UNC13C: variants seen among roughly 807,000 people sequenced by gnomAD.
UNC13C encodes the protein unc-13 homolog C.
Under a neutral mutation model 245.4 loss-of-function variants are expected in UNC13C, and 174 were observed. The ratio of observed to expected loss-of-function variants is 0.71; its 90% CI spans 0.63 to 0.80. The LOEUF (loss-of-function observed/expected upper bound fraction) is 0.80. Among genes scored for constraint, UNC13C ranks in the 30% least tolerant of loss-of-function variants. The probability of loss-of-function intolerance (pLI) is 0.00; values close to 1 mark genes in which losing one functional copy is unlikely to be tolerated. For missense variants in UNC13C, 2,829 were observed against 2,602.9 expected (o/e 1.09, Z -1.89); for synonymous variants, 992 against 895.1 (o/e 1.11, Z -1.93).
chr15:54,504,990 T>A (rs1894405553), intron 22 of UNC13C, among the ~76,000 whole-genome samples: 1 of 152,156 alleles, frequency 6.6e-6, no homozygotes, highest in Non-Finnish European at 1.5e-5. Flanking sequence ...AGTCACCCTG[T>A]CTAATCCTTT....
At chr15:54,167,028 C>T (rs1484739924) in intron 4 of UNC13C, among the ~76,000 whole-genome samples, 1 of 152,054 alleles carries the variant, frequency 6.6e-6, no homozygotes, top group Non-Finnish European at 1.5e-5. Flanking sequence ...TCAAAGTAAT[C>T]TTTAGAAAGA....
At chr15:54,532,872 C>A in intron 25 of UNC13C, 45 bp from the exon 26 acceptor site, 1 of 1,326,054 alleles carries the variant, frequency 7.5e-7, no homozygotes, top group Non-Finnish European at 1.0e-6. Context: ...CAGGCTCAGG[C>A]AAAATGTATT....
At chr15:54,504,279 A>G (rs1894366132) in intron 22 of UNC13C, among the ~76,000 whole-genome samples, 1 of 152,132 alleles carries the variant, frequency 6.6e-6, no homozygotes, top group African/African-American at 2.4e-5. Context: ...ACACATATTT[A>G]TTTCTATTCC....
intron 18 of UNC13C, among the ~76,000 whole-genome samples, chr15:54,410,352 C>A (rs2040391829): frequency 6.6e-6 from 1 of 152,106 alleles, no homozygotes; most frequent in East Asian, 1.9e-4. Context: ...GTTTCTTTTG[C>A]TGTGCAGAAG....
At chr15:54,605,218 C>T (rs1395725168) in intron 30 of UNC13C, among the ~76,000 whole-genome samples, 1 of 152,160 alleles carries the variant, frequency 6.6e-6, no homozygotes, top group Non-Finnish European at 1.5e-5. Context: ...GTCTGAATGG[C>T]CCGTTAATCA....
chr15:54,296,430 G>A, intron 11 of UNC13C, among the ~76,000 whole-genome samples: 1 of 147,518 alleles, frequency 6.8e-6, no homozygotes, highest in East Asian at 2.0e-4. Context: ...GTGTTAGCCA[G>A]AATGGTCTCG....
chr15:54,372,495 A>G (rs1234315517), intron 17 of UNC13C, among the ~76,000 whole-genome samples: 2 of 152,144 alleles, frequency 1.3e-5, no homozygotes, highest in Non-Finnish European at 2.9e-5. Context: ...AGTCTCCAAA[A>G]ATAACCACAC....
intron 2 of UNC13C, among the ~76,000 whole-genome samples, chr15:54,141,522 A>T (rs139750296): frequency 6.6e-6 from 1 of 152,130 alleles, no homozygotes; most frequent in Non-Finnish European, 1.5e-5. Flanking sequence ...TTACAATCCC[A>T]TTTTAAGGAG....
intron 1 of UNC13C, among the ~76,000 whole-genome samples, chr15:54,010,876 T>C (rs981713424): frequency 6.6e-6 from 1 of 152,118 alleles, no homozygotes; most frequent in African/African-American, 2.4e-5. Context: ...TGGATGATTA[T>C]GATGACATTA....
chr15:53,862,226 C>T, the UNC13C span, among the ~76,000 whole-genome samples: 2 of 151,988 alleles, frequency 1.3e-5, no homozygotes, highest in Non-Finnish European at 2.9e-5. Flanking sequence ...TTCTCGTGGT[C>T]CAATAACCAG....
chr15:54,207,049 A>G (rs189446163), intron 4 of UNC13C, among the ~76,000 whole-genome samples: 1 of 152,064 alleles, frequency 6.6e-6, no homozygotes, highest in Admixed American at 6.6e-5. Flanking sequence ...ACAGTAGCAG[A>G]GAGGAAGCAT....
chr15:53,953,966 C>A, the UNC13C span, among the ~76,000 whole-genome samples: 1 of 152,284 alleles, frequency 6.6e-6, no homozygotes, highest in East Asian at 1.9e-4. Context: ...CAGAGTACAG[C>A]CAGGTTGGGG....
chr15:54,044,272 C>T (rs1198535069), intron 2 of UNC13C, among the ~76,000 whole-genome samples: 2 of 152,124 alleles, frequency 1.3e-5, no homozygotes, highest in Non-Finnish European at 2.9e-5. Context: ...CTTTTTGTGC[C>T]TGAGCAGTAT....
At chr15:54,178,162 A>G (rs1385141527) in intron 4 of UNC13C, among the ~76,000 whole-genome samples, 1 of 152,146 alleles carries the variant, frequency 6.6e-6, no homozygotes, top group Non-Finnish European at 1.5e-5. Flanking sequence ...TTTTCAATCT[A>G]TACAATCCTG....
chr15:54,217,323 C>T (rs2035071822), intron 4 of UNC13C, among the ~76,000 whole-genome samples: 1 of 151,878 alleles, frequency 6.6e-6, no homozygotes, highest in African/African-American at 2.4e-5. Context: ...GTGGCATCAT[C>T]AGAGCTAAGG....
intron 19 of UNC13C, among the ~76,000 whole-genome samples, chr15:54,478,924 CATT>C (rs1193653256): frequency 2.6e-5 from 4 of 151,990 alleles, no homozygotes; most frequent in Non-Finnish European, 4.4e-5. Flanking sequence ...TAAAGTCTCC[CATT>C]ATTAATGTGT....
At chr15:54,292,557 A>G (rs1387972636) in intron 10 of UNC13C, among the ~76,000 whole-genome samples, 2 of 151,944 alleles carry the variant, frequency 1.3e-5, no homozygotes, top group Non-Finnish European at 2.9e-5. Flanking sequence ...AATGAAAGAG[A>G]CATTATACTC....
chr15:54,405,943 G>A (rs2040282587), intron 18 of UNC13C, among the ~76,000 whole-genome samples: 2 of 151,440 alleles, frequency 1.3e-5, no homozygotes, highest in South Asian at 2.1e-4. Context: ...CTGTGTAAAT[G>A]TAATTAATAC....
intron 9 of UNC13C, among the ~76,000 whole-genome samples, chr15:54,264,823 C>G (rs1287446093): frequency 6.6e-6 from 1 of 151,860 alleles, no homozygotes; most frequent in East Asian, 1.9e-4. Flanking sequence ...TTAATGATAT[C>G]TAGTAAATTG....
Sources: allele counts gnomAD v4.1 joint callset (sites outside exome capture counted in the v4.1 genomes callset), GRCh38; gene constraint gnomAD v4.1.1; transcripts MANE v1.5; gene names NCBI Gene and HGNC (gene_info 2026-07-23, HGNC 2026-07-21).